TRPC6: variants seen among roughly 807,000 people sequenced by gnomAD.
TRPC6 encodes the protein short transient receptor potential channel 6.
A neutral mutation model predicts 90.7 loss-of-function variants in TRPC6; 55 were observed. The observed-to-expected ratio is 0.61, with a 90% CI of 0.49 to 0.76. The LOEUF is 0.76. TRPC6 is among the 30% of genes least tolerant of loss of function. The pLI, the probability that TRPC6 is intolerant of heterozygous loss-of-function variation, is 0.00. For synonymous variants in TRPC6, 393 were observed against 393.0 expected, an observed-to-expected ratio of 1.00 and a Z score of 0.00; for missense variants, 989 against 1,122.7, an observed-to-expected ratio of 0.88 and a Z score of 1.70.
chr11:101,481,550 T>C lies in TRPC6; in HGVS notation c.1510+1399A>G, dbSNP rs114749683. Among the ~76,000 whole-genome samples, 1,284 of 152,284 alleles carry C rather than the reference T, an allele frequency of 8.4e-3. 8 individuals carry two copies. Among genetic ancestry groups the C allele is most frequent in the African/African-American group, 0.03 (1,226 of 41,538 alleles). On this transcript the variant is annotated intron_variant, in intron 5 of 12. Transcript: ENST00000344327. Reference sequence around the variant, plus strand: ...CCAGTCCCAGGCATGATCTCCCTTCTGTATTCTCCCTCTTAGAGACTGTAG... The same window carrying C: ...CCAGTCCCAGGCATGATCTCCCTTCCGTATTCTCCCTCTTAGAGACTGTAG...
At position 101,519,679 on chromosome 11, in the gene TRPC6, T is replaced by C. The variant is rs1265399707; in HGVS notation, c.171-14881A>G. 2.0e-5 allele frequency: 3 copies of C among 153,004 alleles called. No homozygotes were observed. In the East Asian group the frequency reaches 5.9e-4, roughly 30 times the overall value. 9.5% of individuals were successfully genotyped at this position (153,004 alleles called of 1,614,324 possible). On this transcript the variant is annotated intron_variant, in intron 1 of 12. Transcript: ENST00000344327. ...ACTCCAAAACCATTTAATCAGGAAA[T>C]CCTGCTTACTTTTCAAAATTCTGAG...
intron 1 of TRPC6, among the ~76,000 whole-genome samples, chr11:101,513,219 G>A (rs1466438298): frequency 6.6e-6 from 1 of 152,186 alleles, no homozygotes; most frequent in African/African-American, 2.4e-5. Context: ...TCCCACAAGT[G>A]CCTCTGATGG....
At chr11:101,469,292 G>GATTTGTTAAAATAGTTGAA in intron 10 of TRPC6, 135 bp downstream of exon 10, 2 of 643,162 alleles carry the variant, frequency 3.1e-6, no homozygotes, top group South Asian at 3.4e-5. Context: ...GAATTGTTGA[G>GATTTGTTAAAATAGTTGAA]ATTTGTTAAA....
intron 1 of TRPC6, among the ~76,000 whole-genome samples, chr11:101,511,790 G>C (rs1860399363): frequency 6.6e-6 from 1 of 152,022 alleles, no homozygotes; most frequent in African/African-American, 2.4e-5. Flanking sequence ...TCAGGAGTTT[G>C]AGATCGGCCT....
chr11:101,514,351 G>T (rs1247081908), intron 1 of TRPC6, among the ~76,000 whole-genome samples: 1 of 152,188 alleles, frequency 6.6e-6, no homozygotes, highest in African/African-American at 2.4e-5. Context: ...GCATATAAAT[G>T]ATTAGCGAAC....
Position 101,489,192 on chromosome 11 carries a change from AATGAAATACAT to A in TRPC6, c.1129-102_1129-92del, listed in dbSNP as rs1859746456. 47 of 1,164,820 alleles carry A rather than the reference AATGAAATACAT, an allele frequency of 4.0e-5. 1 individual carries two copies. The South Asian group carries it at 5.4e-4, about 13-fold the overall frequency. The allele number at this position is 1,164,820 out of a possible 1,614,324, so 72.2% of individuals were successfully genotyped here. On this transcript the variant is annotated intron_variant, in intron 3 of 12. Coordinates refer to ENST00000344327, the MANE Select transcript of TRPC6 (RefSeq NM_004621.6). The stretch of plus-strand genomic sequence containing the variant: ...GTGTTCTAATAGTTCCATGCTTTCC[AATGAAATACAT>A]TGTTAGAATTAAAGAACAAACATAA...
intron 4 of TRPC6, among the ~76,000 whole-genome samples, chr11:101,483,521 T>A (rs1421168892): frequency 6.6e-6 from 1 of 152,182 alleles, no homozygotes; most frequent in Non-Finnish European, 1.5e-5. Flanking sequence ...ATTGAGGAAG[T>A]GGCAATGAAA....
intron 10 of TRPC6, among the ~76,000 whole-genome samples, chr11:101,465,675 G>A (rs1266187375): frequency 6.6e-6 from 1 of 152,072 alleles, no homozygotes; most frequent in Non-Finnish European, 1.5e-5. Context: ...GGTTATTCTA[G>A]TTAGAACTTT....
intron 1 of TRPC6, among the ~76,000 whole-genome samples, chr11:101,534,437 C>A (rs1036239804): frequency 6.6e-6 from 1 of 151,850 alleles, no homozygotes; most frequent in Non-Finnish European, 1.5e-5. Flanking sequence ...CGACTGGTAC[C>A]CCTTCACTTC....
intron 10 of TRPC6, among the ~76,000 whole-genome samples, chr11:101,463,885 T>C (rs1243229623): frequency 6.6e-6 from 1 of 152,232 alleles, no homozygotes; most frequent in Non-Finnish European, 1.5e-5. Flanking sequence ...CTAGTTCTTC[T>C]AATTTTGATG....
chr11:101,531,527 C>A (rs1177603825), intron 1 of TRPC6, among the ~76,000 whole-genome samples: 1 of 152,106 alleles, frequency 6.6e-6, no homozygotes, highest in Non-Finnish European at 1.5e-5. Flanking sequence ...AACATTTATT[C>A]TAAAAAAGAA....
At chr11:101,573,958 A>ATGTGTG (rs1275666976) in intron 1 of TRPC6, among the ~76,000 whole-genome samples, 58 of 104,450 alleles carry the variant, frequency 5.6e-4, no homozygotes, top group Middle Eastern at 4.6e-3. Flanking sequence ...GTGTGTGTGT[A>ATGTGTG]TGTGTGTGTG....
At chr11:101,560,752 G>A (rs571684581) in intron 1 of TRPC6, among the ~76,000 whole-genome samples, 1 of 152,140 alleles carries the variant, frequency 6.6e-6, no homozygotes, top group East Asian at 1.9e-4. Flanking sequence ...CTGAAGGGCT[G>A]TTCCTGAAGA....
At chr11:101,509,252 C>T (rs1860344246) in intron 1 of TRPC6, among the ~76,000 whole-genome samples, 2 of 151,656 alleles carry the variant, frequency 1.3e-5, no homozygotes, top group African/African-American at 4.9e-5. Flanking sequence ...GCACATGCTA[C>T]CTCACCCAGT....
intron 1 of TRPC6, among the ~76,000 whole-genome samples, chr11:101,528,028 G>A (rs965322923): frequency 2.0e-5 from 3 of 152,096 alleles, no homozygotes; most frequent in African/African-American, 4.8e-5. Context: ...AGCCGAGATC[G>A]TGCCACTGCA....
rs186922798 is a variant in TRPC6 at position 101,572,013 on chromosome 11, G to C, written c.170+11321C>G. Among the ~76,000 whole-genome samples, 470 of 152,286 alleles carry C rather than the reference G, an allele frequency of 3.1e-3. 1 individual carries two copies. Among genetic ancestry groups the C allele is most frequent in the African/African-American group, 0.011 (442 of 41,558 alleles). On this transcript the variant is annotated intron_variant, in intron 1 of 12. Coordinates refer to ENST00000344327, the MANE Select transcript of TRPC6 (RefSeq NM_004621.6). The stretch of plus-strand genomic sequence containing the variant: ...AGCAATGGCAACAAAAGCCAAAATT[G>C]ACAAATGGGATCTAATTAAACTAAA...
At chr11:101,494,318 C>T (rs1859893783) in intron 2 of TRPC6, among the ~76,000 whole-genome samples, 1 of 152,142 alleles carries the variant, frequency 6.6e-6, no homozygotes, top group Non-Finnish European at 1.5e-5. Flanking sequence ...GTTCTTATTA[C>T]TCTCATTTTA....
chr11:101,523,209 G>A (rs562710333), intron 1 of TRPC6, among the ~76,000 whole-genome samples: 5 of 152,262 alleles, frequency 3.3e-5, no homozygotes, highest in African/African-American at 7.2e-5. Flanking sequence ...TCTGGCAGTG[G>A]TTTTAGACCA....
At chr11:101,505,585 A>T (rs1860242729) in intron 1 of TRPC6, among the ~76,000 whole-genome samples, 1 of 152,020 alleles carries the variant, frequency 6.6e-6, no homozygotes, top group African/African-American at 2.4e-5. Context: ...AAATGCTTGA[A>T]CTCTGCTGTC....
Sources: gnomAD v4.1 joint callset for allele counts (sites outside exome capture counted in the v4.1 genomes callset) on GRCh38, gnomAD v4.1.1 for gene constraint, MANE v1.5 for transcripts, NCBI Gene and HGNC (gene_info 2026-07-23, HGNC 2026-07-21) for gene names.